Variants in LSAMP observed in about 807,000 individuals in gnomAD.
LSAMP encodes limbic system-associated membrane protein.
A neutral mutation model predicts 38.6 loss-of-function variants in LSAMP; 7 were observed. The ratio of observed to expected loss-of-function variants is 0.18; its 90% CI spans 0.10 to 0.34. The LOEUF (loss-of-function observed/expected upper bound fraction) is 0.34, where lower values mean the gene tolerates loss of function less well. LSAMP is among the 10% of genes least tolerant of loss of function. LSAMP has a pLI of 1.00. For synonymous variants in LSAMP, 154 were observed against 166.8 expected, an observed-to-expected ratio of 0.92 and a Z score of 0.59; for missense variants, 313 against 420.0, an observed-to-expected ratio of 0.75 and a Z score of 2.23.
At chr3:116,430,262 T>C (rs973109509) in intron 1 of LSAMP, among the ~76,000 whole-genome samples, 1 of 152,136 alleles carries the variant, frequency 6.6e-6, no homozygotes, top group African/African-American at 2.4e-5. Context: ...GCATGAATAT[T>C]AAAACACACT....
chr3:116,047,702 C>G (rs887809612), intron 2 of LSAMP, among the ~76,000 whole-genome samples: 2 of 152,184 alleles, frequency 1.3e-5, no homozygotes, highest in Non-Finnish European at 2.9e-5. Flanking sequence ...TGTGTGCCAA[C>G]TGGACCCTGT....
intron 3 of LSAMP, among the ~76,000 whole-genome samples, chr3:115,975,485 C>T (rs1380149655): frequency 6.6e-6 from 1 of 152,142 alleles, no homozygotes; most frequent in Non-Finnish European, 1.5e-5. Flanking sequence ...AGGAGACAGA[C>T]AGTAAGTTGT....
chr3:115,854,287 T>TTA (rs1935435123), intron 3 of LSAMP, among the ~76,000 whole-genome samples: 1 of 103,222 alleles, frequency 9.7e-6, no homozygotes, highest in African/African-American at 3.5e-5. Flanking sequence ...TTATTATTTT[T>TTA]TTTTTTTTTT....
intron 1 of LSAMP, among the ~76,000 whole-genome samples, chr3:116,120,630 G>A (rs1280842635): frequency 6.6e-6 from 1 of 152,196 alleles, no homozygotes; most frequent in Non-Finnish European, 1.5e-5. Context: ...TAAGGCTAGG[G>A]CTAGTCCCAG....
chr3:116,174,476 G>A (rs1710287264), intron 1 of LSAMP, among the ~76,000 whole-genome samples: 1 of 151,780 alleles, frequency 6.6e-6, no homozygotes, highest in Non-Finnish European at 1.5e-5. Context: ...CTTTTATTGT[G>A]CTCATTCTTT....
chr3:115,852,453 C>G, intron 4 of LSAMP, 30 bp downstream of exon 4: 1 of 1,588,566 alleles, frequency 6.3e-7, no homozygotes. Flanking sequence ...CCCTGGGCAC[C>G]TAGCACCTGC....
chr3:115,952,188 C>T (rs995032893), intron 3 of LSAMP, among the ~76,000 whole-genome samples: 3 of 152,156 alleles, frequency 2.0e-5, no homozygotes, highest in Non-Finnish European at 2.9e-5. Context: ...AGTAGAACTA[C>T]CATTTGATTC....
At position 115,929,723 on chromosome 3, in the gene LSAMP, T is replaced by C. The variant is rs144671660; in HGVS notation, c.515-77106A>G. On this transcript the variant is annotated intron_variant, in intron 3 of 6. Coordinates refer to ENST00000490035, the MANE Select transcript of LSAMP (RefSeq NM_002338.5). Reference sequence around the variant, plus strand: ...ATATTTATAAAGAAAAACAATGTAATGAAGGCATAAAAGAGCCCCTCCTGA... The same window carrying C: ...ATATTTATAAAGAAAAACAATGTAACGAAGGCATAAAAGAGCCCCTCCTGA... 2.5e-3 allele frequency among the ~76,000 whole-genome samples: 387 copies of C among 152,236 alleles called. 1 individual carries two copies. The highest frequency in any genetic ancestry group is 9.0e-3 in the African/African-American group (376 of 41,554).
intron 1 of LSAMP, among the ~76,000 whole-genome samples, chr3:116,195,419 T>G (rs1361252197): frequency 6.6e-6 from 1 of 152,194 alleles, no homozygotes; most frequent in African/African-American, 2.4e-5. Context: ...AAATAAATTT[T>G]CTCATATCAG....
At chr3:115,922,741 C>T (rs989031224) in intron 3 of LSAMP, among the ~76,000 whole-genome samples, 1 of 152,096 alleles carries the variant, frequency 6.6e-6, no homozygotes, top group African/African-American at 2.4e-5. Context: ...TTAAGGGTGC[C>T]TCTGAAATCT....
At chr3:116,295,088 A>AAAAG (rs1208521176) in intron 1 of LSAMP, among the ~76,000 whole-genome samples, 3 of 152,354 alleles carry the variant, frequency 2.0e-5, no homozygotes. Context: ...ATGAAATACT[A>AAAAG]AAAGAAAGAA....
chr3:115,971,791 T>A (rs1191193093), intron 3 of LSAMP, among the ~76,000 whole-genome samples: 1 of 152,106 alleles, frequency 6.6e-6, no homozygotes, highest in Non-Finnish European at 1.5e-5. Context: ...ATGTTTCACA[T>A]CAGTAGAGGC....
At chr3:116,273,831 CTT>C in intron 1 of LSAMP, among the ~76,000 whole-genome samples, 1 of 149,518 alleles carries the variant, frequency 6.7e-6, no homozygotes, top group African/African-American at 2.5e-5. Flanking sequence ...CTCTCTCTCT[CTT>C]TCGCTTTCTC....
At chr3:116,155,705 A>G (rs562116827) in intron 1 of LSAMP, among the ~76,000 whole-genome samples, 1 of 151,938 alleles carries the variant, frequency 6.6e-6, no homozygotes, top group South Asian at 2.1e-4. Flanking sequence ...TATGCATATA[A>G]AAATTAGCCA....
chr3:116,315,503 T>C (rs999811006), intron 1 of LSAMP, among the ~76,000 whole-genome samples: 1 of 152,198 alleles, frequency 6.6e-6, no homozygotes, highest in Non-Finnish European at 1.5e-5. Flanking sequence ...TAGTATCCCC[T>C]ATCTGACAAA....
rs541360846 is a variant in LSAMP, at chr3:116,427,277, C to T, written c.155+17600G>A. Among the ~76,000 whole-genome samples the T allele has an allele frequency of 2.6e-5, 4 of 151,500 alleles. No individual in the cohort carries two copies. The South Asian group carries it at 8.3e-4, about 32-fold the overall frequency. On this transcript the variant is annotated intron_variant, in intron 1 of 6. Coordinates refer to ENST00000490035, the MANE Select transcript of LSAMP (RefSeq NM_002338.5). ...CTGGGACTACAGGCGCCCACCACCG[C>T]GCCCGGCTAATTTTTTGTATTTTTA...
chr3:116,165,344 C>G (rs896988910), intron 1 of LSAMP, among the ~76,000 whole-genome samples: 5 of 152,192 alleles, frequency 3.3e-5, no homozygotes, highest in African/African-American at 1.2e-4. Context: ...CAAGGGAAAG[C>G]TGTAAATTTA....
At chr3:116,116,547 AAAAATAC>A (rs1157823341) in intron 1 of LSAMP, among the ~76,000 whole-genome samples, 2 of 150,386 alleles carry the variant, frequency 1.3e-5, no homozygotes, top group Non-Finnish European at 3.0e-5. Context: ...AAAAAAAAAA[AAAAATAC>A]AAAATACAAA....
intron 1 of LSAMP, among the ~76,000 whole-genome samples, chr3:116,182,885 T>C (rs572309019): frequency 6.6e-6 from 1 of 151,982 alleles, no homozygotes; most frequent in Non-Finnish European, 1.5e-5. Context: ...AAAGTCCAAA[T>C]TTTGCCATCA....
Sources: allele counts gnomAD v4.1 joint callset (sites outside exome capture counted in the v4.1 genomes callset), GRCh38; gene constraint gnomAD v4.1.1; transcripts MANE v1.5; gene names NCBI Gene and HGNC (gene_info 2026-07-23, HGNC 2026-07-21).